Variants in ATG7 observed in about 807,000 individuals in gnomAD.
The protein encoded by ATG7 is autophagy related 7.
A neutral mutation model predicts 82.4 loss-of-function variants in ATG7; 70 were observed. The observed-to-expected ratio is 0.85, with a 90% CI of 0.70 to 1.04. ATG7 has a LOEUF of 1.04. ATG7 is among the 50% of genes least tolerant of loss of function. The pLI is 0.00. For missense variants in ATG7, 792 were observed against 864.3 expected (o/e 0.92, Z 1.05); for synonymous variants, 287 against 313.0 (o/e 0.92, Z 0.88).
intron 3 of ATG7, among the ~76,000 whole-genome samples, chr3:11,287,070 A>G (rs1944206160): frequency 6.6e-6 from 1 of 152,118 alleles, no homozygotes; most frequent in South Asian, 2.1e-4. Flanking sequence ...CTGGCTGATA[A>G]AAGGTTTCTA....
intron 9 of ATG7, among the ~76,000 whole-genome samples, chr3:11,319,763 C>A (rs1445101936): frequency 6.6e-6 from 1 of 152,232 alleles, no homozygotes; most frequent in Non-Finnish European, 1.5e-5. Context: ...TGTCTTCCCC[C>A]TACCACCCCT....
At chr3:11,405,998 T>TTG (rs1287286575) in intron 19 of ATG7, among the ~76,000 whole-genome samples, 100 of 35,520 alleles carry the variant, frequency 2.8e-3, no homozygotes, top group African/African-American at 8.8e-3. Flanking sequence ...GTTTTTGTTT[T>TTG]TGTTTTTTGT....
intron 16 of ATG7, 60 bp from the exon 17 acceptor site, chr3:11,362,753 G>C (rs2076360968): frequency 7.2e-7 from 1 of 1,386,380 alleles, no homozygotes; most frequent in African/African-American, 1.4e-5. Context: ...TCATACTTGA[G>C]ACAGCTAGAG....
intron 9 of ATG7, among the ~76,000 whole-genome samples, chr3:11,326,745 G>T (rs770782150): frequency 2.6e-5 from 4 of 152,232 alleles, no homozygotes; most frequent in Non-Finnish European, 4.4e-5. Flanking sequence ...AGAGTAGCAG[G>T]TGGGGTGGCC....
At chr3:11,464,099 T>C (rs1384011702) in intron 20 of ATG7, among the ~76,000 whole-genome samples, 1 of 152,046 alleles carries the variant, frequency 6.6e-6, no homozygotes, top group Non-Finnish European at 1.5e-5. Context: ...TGGCCAGGCA[T>C]AGTGGCTCAT....
At chr3:11,478,989 AAC>A (rs71628717) in intron 20 of ATG7, among the ~76,000 whole-genome samples, 2,355 of 72,964 alleles carry the variant, frequency 0.032, 29 homozygotes, top group Middle Eastern at 0.044. Flanking sequence ...GTATATTTAC[AAC>A]ACACACACAC....
intron 3 of ATG7, among the ~76,000 whole-genome samples, chr3:11,286,713 TGA>T (rs1944118856): frequency 6.7e-6 from 1 of 150,330 alleles, no homozygotes; most frequent in Non-Finnish European, 1.5e-5. Flanking sequence ...ATCCTCCACC[TGA>T]GTCTCCCAAG....
At chr3:11,420,457 A>G (rs1347236653) in intron 19 of ATG7, among the ~76,000 whole-genome samples, 3 of 152,200 alleles carry the variant, frequency 2.0e-5, no homozygotes, top group Non-Finnish European at 4.4e-5. Context: ...ACTGGAGTCT[A>G]ACAAAGTATC....
At chr3:11,459,800 T>C (rs2086129069) in intron 20 of ATG7, among the ~76,000 whole-genome samples, 1 of 152,240 alleles carries the variant, frequency 6.6e-6, no homozygotes, top group African/African-American at 2.4e-5. Context: ...CTTATTTGTT[T>C]GTGGGGATTT....
At chr3:11,533,718 T>C (rs998113959) in intron 20 of ATG7, among the ~76,000 whole-genome samples, 1 of 152,180 alleles carries the variant, frequency 6.6e-6, no homozygotes, top group African/African-American at 2.4e-5. Flanking sequence ...ACAGTTGTTA[T>C]TTCTTTTCTG....
At chr3:11,452,766 G>A (rs568501948) in intron 20 of ATG7, among the ~76,000 whole-genome samples, 4 of 152,278 alleles carry the variant, frequency 2.6e-5, no homozygotes, top group African/African-American at 7.2e-5. Context: ...AAAGTAGAAG[G>A]GATGGCACTT....
At position 11,313,437 on chromosome 3, in the gene ATG7, A is replaced by G. The variant is rs1307972505; in HGVS notation, c.528+17A>G. 1 of 1,554,846 alleles carries G rather than the reference A, an allele frequency of 6.4e-7. No individual in the cohort carries two copies. The highest frequency in any genetic ancestry group is 1.2e-5 in the South Asian group (1 of 86,946). ...CTAAAACAGGTATCAACAAATAACC[A>G]AAATGCACATAAAATTGGGTTGAAT... On this transcript the variant is annotated intron_variant, in intron 8 of 20. Transcript: ENST00000693202.
At chr3:11,443,790 C>T (rs978471702) in intron 20 of ATG7, among the ~76,000 whole-genome samples, 13 of 152,128 alleles carry the variant, frequency 8.5e-5, no homozygotes, top group African/African-American at 2.9e-4. Context: ...AAAATTTCCC[C>T]CCCTGCTTTT....
chr3:11,562,118 G>C (rs1454335149), downstream of ATG7, among the ~76,000 whole-genome samples: 1 of 151,902 alleles, frequency 6.6e-6, no homozygotes, highest in African/African-American at 2.4e-5. Context: ...GGCTGGTCTC[G>C]AAATCCTGGC....
intron 19 of ATG7, among the ~76,000 whole-genome samples, chr3:11,418,427 A>G (rs1179333394): frequency 6.6e-6 from 1 of 152,118 alleles, no homozygotes; most frequent in Non-Finnish European, 1.5e-5. Context: ...ATATTTCAAT[A>G]TGGCTTCTTT....
At chr3:11,528,326 A>T (rs1228673648) in intron 20 of ATG7, among the ~76,000 whole-genome samples, 3 of 152,154 alleles carry the variant, frequency 2.0e-5, no homozygotes, top group Non-Finnish European at 4.4e-5. Context: ...ACATACTTTA[A>T]AAAAACATAA....
chr3:11,462,558 G>T (rs1429064530), intron 20 of ATG7, among the ~76,000 whole-genome samples: 1 of 152,158 alleles, frequency 6.6e-6, no homozygotes, highest in East Asian at 1.9e-4. Flanking sequence ...TAAGCTATAG[G>T]AATGGTCCCT....
At chr3:11,480,281 T>C (rs966584508) in intron 20 of ATG7, among the ~76,000 whole-genome samples, 1 of 152,086 alleles carries the variant, frequency 6.6e-6, no homozygotes, top group Admixed American at 6.5e-5. Flanking sequence ...ATGCCTGTAA[T>C]GCCAGCACTT....
intron 20 of ATG7, among the ~76,000 whole-genome samples, chr3:11,499,707 A>G (rs574832708): frequency 1.2e-4 from 18 of 150,698 alleles, no homozygotes; most frequent in South Asian, 8.5e-4. Flanking sequence ...AGATCATGCC[A>G]TTGCACTCCA....
Sources: allele counts gnomAD v4.1 joint callset (sites outside exome capture counted in the v4.1 genomes callset), GRCh38; gene constraint gnomAD v4.1.1; transcripts MANE v1.5; gene names NCBI Gene and HGNC (gene_info 2026-07-23, HGNC 2026-07-21).